Variants in FHIT observed in about 807,000 individuals in gnomAD.
The protein encoded by FHIT is bis(5'-adenosyl)-triphosphatase.
Under a neutral mutation model 17.9 loss-of-function variants are expected in FHIT, and 19 were observed. The observed-to-expected ratio is 1.06, with a 90% CI of 0.74 to 1.56. The LOEUF (loss-of-function observed/expected upper bound fraction) is 1.56, where lower values mean the gene tolerates loss of function less well. Among genes scored for constraint, FHIT ranks in the 40% most tolerant of loss-of-function variants. FHIT has a pLI of 0.00. For missense variants in FHIT, 248 were observed against 189.2 expected, an observed-to-expected ratio of 1.31 and a Z score of -1.82; for synonymous variants, 81 against 69.7, an observed-to-expected ratio of 1.16 and a Z score of -0.81.
chr3:59,884,828 G>A (rs1465134948), intron 8 of FHIT, among the ~76,000 whole-genome samples: 1 of 152,130 alleles, frequency 6.6e-6, no homozygotes, highest in Non-Finnish European at 1.5e-5. Context: ...AAACTGAAAG[G>A]TCATTAATGT....
intron 3 of FHIT, among the ~76,000 whole-genome samples, chr3:60,841,816 A>T (rs73111756): frequency 2.0e-5 from 3 of 152,228 alleles, no homozygotes; most frequent in South Asian, 4.1e-4. Context: ...AAAAAAATAT[A>T]TACAAATGGA....
At chr3:61,132,243 C>T (rs867019346) in intron 2 of FHIT, among the ~76,000 whole-genome samples, 2 of 152,202 alleles carry the variant, frequency 1.3e-5, no homozygotes, top group Non-Finnish European at 2.9e-5. Flanking sequence ...ATGGGCCACC[C>T]ACATGTCTTA....
intron 3 of FHIT, among the ~76,000 whole-genome samples, chr3:60,926,177 A>T (rs1707598419): frequency 6.6e-6 from 1 of 152,192 alleles, no homozygotes; most frequent in Admixed American, 6.5e-5. Flanking sequence ...GATATCCAGG[A>T]ATTGAACTCA....
chr3:60,892,320 C>T (rs6446159), intron 3 of FHIT, among the ~76,000 whole-genome samples: 46,188 of 151,916 alleles, frequency 0.3, 7,436 homozygotes, highest in African/African-American at 0.4. Flanking sequence ...CCATTGTTTC[C>T]AATACTCTCA....
intron 5 of FHIT, among the ~76,000 whole-genome samples, chr3:60,301,781 G>A (rs1340111430): frequency 6.6e-6 from 1 of 152,112 alleles, no homozygotes; most frequent in Non-Finnish European, 1.5e-5. Context: ...TAGAGGAGAA[G>A]GACTACAGAG....
intron 2 of FHIT, among the ~76,000 whole-genome samples, chr3:61,184,120 T>A (rs527694130): frequency 6.6e-6 from 1 of 152,190 alleles, no homozygotes; most frequent in South Asian, 2.1e-4. Flanking sequence ...ACAGAGAATA[T>A]TCCCCCAGTG....
At chr3:60,922,371 C>T (rs1460671495) in intron 3 of FHIT, among the ~76,000 whole-genome samples, 3 of 152,160 alleles carry the variant, frequency 2.0e-5, no homozygotes, top group African/African-American at 7.2e-5. Flanking sequence ...AATAAAAATG[C>T]ATCCTGGGTG....
At chr3:60,416,308 T>G (rs1367879732) in intron 5 of FHIT, among the ~76,000 whole-genome samples, 1 of 152,192 alleles carries the variant, frequency 6.6e-6, no homozygotes, top group Non-Finnish European at 1.5e-5. Flanking sequence ...AAAAGGGCAT[T>G]TGACAGTTTG....
At chr3:61,027,801 T>C (rs1213631541) in intron 3 of FHIT, among the ~76,000 whole-genome samples, 3 of 152,254 alleles carry the variant, frequency 2.0e-5, no homozygotes, top group African/African-American at 7.2e-5. Context: ...GAGAATCTAC[T>C]GGCTATCCAG....
intron 1 of FHIT, among the ~76,000 whole-genome samples, chr3:61,228,179 T>TAA (rs529696097): frequency 0.06 from 8,838 of 147,480 alleles, 864 homozygotes; most frequent in African/African-American, 0.2. Context: ...AAAAATAATT[T>TAA]AAAAAAAAAA....
At chr3:60,715,029 A>G (rs551709632) in intron 4 of FHIT, among the ~76,000 whole-genome samples, 1 of 152,336 alleles carries the variant, frequency 6.6e-6, no homozygotes, top group South Asian at 2.1e-4. Context: ...ACCTGACTTC[A>G]AACTATACTA....
rs146362119 is a variant in FHIT at position 61,028,600 on chromosome 3, A to G, written c.-111+13447T>C. 4.5e-4 allele frequency among the ~76,000 whole-genome samples: 68 copies of G among 152,338 alleles called. No individual in the cohort carries two copies. The East Asian group carries it at 0.01, about 23-fold the overall frequency. On this transcript the variant is annotated intron_variant, in intron 3 of 9. Transcript: ENST00000492590. ...AGACTCTTTCACTAACTGTGTGAAC[A>G]CGTCCAAGTTACTTGGCCTCTCTAA...
Position 59,836,827 on chromosome 3 carries a change from C to T in FHIT, c.349-84506G>A, listed in dbSNP as rs1701355976. On this transcript the variant is annotated intron_variant, in intron 8 of 9. Transcript: ENST00000492590. ...AATGCAGACACTGGGCTGGAGGGGC[C>T]CGAACAGTGATGCAAGTCTGAGTGA... Among the ~76,000 whole-genome samples, 4 of 152,148 alleles carry T rather than the reference C, an allele frequency of 2.6e-5. No individual in the cohort carries two copies. The South Asian group carries it at 8.3e-4, about 32-fold the overall frequency.
chr3:60,824,870 C>T (rs782518386), intron 3 of FHIT, among the ~76,000 whole-genome samples: 2 of 152,190 alleles, frequency 1.3e-5, no homozygotes, highest in African/African-American at 2.4e-5. Flanking sequence ...CCCAGCTACA[C>T]GGAACTGTAA....
rs12490626 is a variant in FHIT at position 59,832,074 on chromosome 3, C to G, written c.349-79753G>C. Reference sequence around the variant, plus strand: ...CTTACCCAGTGATCCACTTGCCCCCCCATGATGTGCACTGTAGGGAGTTCA... The same window carrying G: ...CTTACCCAGTGATCCACTTGCCCCCGCATGATGTGCACTGTAGGGAGTTCA... On this transcript the variant is annotated intron_variant, in intron 8 of 9. Transcript: ENST00000492590. 9.2e-3 allele frequency among the ~76,000 whole-genome samples: 1,399 copies of G among 152,218 alleles called. 83 individuals are homozygous for G. The highest frequency in any genetic ancestry group is 0.076 in the Admixed American group (1,167 of 15,284).
chr3:61,221,533 ACT>A (rs2039838237), intron 1 of FHIT, among the ~76,000 whole-genome samples: 1 of 141,550 alleles, frequency 7.1e-6, no homozygotes, highest in Non-Finnish European at 1.6e-5. Flanking sequence ...TTTAAGCAAA[ACT>A]CTGTTCCTGG....
chr3:60,226,333 A>G (rs1272557538), intron 5 of FHIT, among the ~76,000 whole-genome samples: 2 of 151,992 alleles, frequency 1.3e-5, no homozygotes, highest in Non-Finnish European at 1.5e-5. Flanking sequence ...TTAGCCAGGC[A>G]TAGTGGCGCA....
chr3:61,249,974 ACACACACACACACAC>A (rs2040576747), intron 1 of FHIT, among the ~76,000 whole-genome samples: 1 of 143,438 alleles, frequency 7.0e-6, no homozygotes, highest in South Asian at 2.1e-4. Flanking sequence ...ACACACACAC[ACACACACACACACAC>A]AAACCCTAGA....
chr3:60,465,006 C>T (rs1460015033), intron 5 of FHIT, among the ~76,000 whole-genome samples: 8 of 152,146 alleles, frequency 5.3e-5, no homozygotes, highest in Non-Finnish European at 1.2e-4. Context: ...TCTCAACGTC[C>T]TCTCCAGCAC....
Sources: gnomAD v4.1 joint callset for allele counts (sites outside exome capture counted in the v4.1 genomes callset) on GRCh38, gnomAD v4.1.1 for gene constraint, MANE v1.5 for transcripts, NCBI Gene and HGNC (gene_info 2026-07-23, HGNC 2026-07-21) for gene names.